The following BTBD7 variants were observed in gnomAD, a reference collection of about 807,000 sequenced individuals.
The protein encoded by BTBD7 is BTB domain containing 7.
BTBD7 carries 38 observed loss-of-function variants against 99.9 expected under a neutral mutation model. That is an observed-to-expected ratio of 0.38 (90% CI 0.29 to 0.50). The LOEUF is 0.50. Among genes scored for constraint, BTBD7 ranks in the 20% least tolerant of loss-of-function variants. The pLI, the probability that BTBD7 is intolerant of heterozygous loss-of-function variation, is 0.93. For synonymous variants in BTBD7, 520 were observed against 511.4 expected (o/e 1.02, Z -0.23); for missense variants, 1,170 against 1,394.6 (o/e 0.84, Z 2.57).
chr14:93,318,965 C>T (rs2053239042), intron 1 of BTBD7, among the ~76,000 whole-genome samples: 4 of 152,194 alleles, frequency 2.6e-5, no homozygotes, highest in Admixed American at 2.6e-4. Flanking sequence ...GCCTGTAAAC[C>T]CAGCACTTCA....
intron 3 of BTBD7, among the ~76,000 whole-genome samples, chr14:93,285,417 T>A (rs2052765497): frequency 1.3e-5 from 2 of 152,222 alleles, no homozygotes; most frequent in South Asian, 4.1e-4. Context: ...ATTTTGGAAC[T>A]AAAGTTATAA....
intron 1 of BTBD7, among the ~76,000 whole-genome samples, chr14:93,306,361 A>G (rs2053070076): frequency 6.6e-6 from 1 of 151,478 alleles, no homozygotes; most frequent in African/African-American, 2.4e-5. Flanking sequence ...TAATCCCAGC[A>G]CTTTGGGAGG....
At chr14:93,306,364 T>A (rs1173408820) in intron 1 of BTBD7, among the ~76,000 whole-genome samples, 1 of 151,632 alleles carries the variant, frequency 6.6e-6, no homozygotes, top group African/African-American at 2.4e-5. Context: ...TCCCAGCACT[T>A]TGGGAGGCTA....
chr14:93,252,035 C>T (rs563804918), intron 7 of BTBD7, among the ~76,000 whole-genome samples: 2 of 152,088 alleles, frequency 1.3e-5, no homozygotes, highest in South Asian at 2.1e-4. Flanking sequence ...CAGGGCCGGG[C>T]GTGGTGACTC....
intron 1 of BTBD7, 87 bp downstream of exon 1, chr14:93,332,733 G>A: frequency 2.1e-6 from 3 of 1,405,344 alleles, no homozygotes; most frequent in South Asian, 1.5e-5. Context: ...CCACGCCTAA[G>A]AACAGCCCCT....
intron 1 of BTBD7, among the ~76,000 whole-genome samples, chr14:93,329,292 A>G (rs2053370647): frequency 6.6e-6 from 1 of 152,248 alleles, no homozygotes; most frequent in Non-Finnish European, 1.5e-5. Flanking sequence ...ATCATTTTTA[A>G]AAAATGCAAA....
chr14:93,324,203 C>G (rs1275922443), intron 1 of BTBD7, among the ~76,000 whole-genome samples: 1 of 152,070 alleles, frequency 6.6e-6, no homozygotes, highest in African/African-American at 2.4e-5. Context: ...CTTTGGGAGA[C>G]TGAGGTGGGA....
intron 1 of BTBD7, among the ~76,000 whole-genome samples, chr14:93,319,058 T>C (rs890590594): frequency 6.6e-6 from 1 of 151,876 alleles, no homozygotes; most frequent in African/African-American, 2.4e-5. Flanking sequence ...AACAGAAAAA[T>C]TCGCCAAGTG....
At chr14:93,302,271 G>A (rs2053013829) in intron 1 of BTBD7, among the ~76,000 whole-genome samples, 1 of 152,192 alleles carries the variant, frequency 6.6e-6, no homozygotes, top group Admixed American at 6.5e-5. Flanking sequence ...TATGACTAAA[G>A]CCTTGGGATT....
At chr14:93,255,352 G>A (rs189778146) in intron 6 of BTBD7, among the ~76,000 whole-genome samples, 7 of 152,036 alleles carry the variant, frequency 4.6e-5, no homozygotes, top group Admixed American at 4.6e-4. Context: ...TCACCATGTT[G>A]GCCAGGCTGG....
intron 3 of BTBD7, among the ~76,000 whole-genome samples, chr14:93,290,164 C>T (rs924351220): frequency 1.3e-5 from 2 of 150,704 alleles, no homozygotes; most frequent in Non-Finnish European, 3.0e-5. Context: ...ACCAAGAATC[C>T]TTTTACCCAC....
intron 3 of BTBD7, among the ~76,000 whole-genome samples, chr14:93,266,803 A>G (rs1332407173): frequency 6.6e-6 from 1 of 152,374 alleles, no homozygotes; most frequent in East Asian, 1.9e-4. Context: ...TCCAAGCACT[A>G]AAAGAATATC....
intron 3 of BTBD7, 41 bp downstream of exon 3, chr14:93,293,817 C>A: frequency 6.4e-7 from 1 of 1,556,424 alleles, no homozygotes; most frequent in Admixed American, 2.0e-5. Flanking sequence ...AAGATCAATA[C>A]ATAATTCTAT....
intron 3 of BTBD7, among the ~76,000 whole-genome samples, chr14:93,265,771 A>T: frequency 6.6e-6 from 1 of 152,146 alleles, no homozygotes; most frequent in Non-Finnish European, 1.5e-5. Flanking sequence ...AAAATACAAA[A>T]ATCAGCTGGG....
At chr14:93,328,885 C>T (rs1437138223) in intron 1 of BTBD7, among the ~76,000 whole-genome samples, 1 of 152,128 alleles carries the variant, frequency 6.6e-6, no homozygotes, top group Non-Finnish European at 1.5e-5. Context: ...CTAGTGTACT[C>T]CAGCCTTGGT....
chr14:93,285,575 C>T (rs1469550983), intron 3 of BTBD7, among the ~76,000 whole-genome samples: 1 of 152,154 alleles, frequency 6.6e-6, no homozygotes. Flanking sequence ...GTATTTATGA[C>T]AAGGATGGTT....
At chr14:93,262,035 G>C (rs747076371) in intron 4 of BTBD7, among the ~76,000 whole-genome samples, 10 of 152,034 alleles carry the variant, frequency 6.6e-5, no homozygotes, top group Non-Finnish European at 1.5e-4. Flanking sequence ...GTGCCATCAT[G>C]GGTCTCTGCA....
At chr14:93,265,765 T>C (rs1455777560) in intron 3 of BTBD7, among the ~76,000 whole-genome samples, 1 of 152,054 alleles carries the variant, frequency 6.6e-6, no homozygotes, top group Non-Finnish European at 1.5e-5. Context: ...CTACTAAAAA[T>C]ACAAAAATCA....
chr14:93,251,177 G>C (rs1161840532), intron 8 of BTBD7, among the ~76,000 whole-genome samples: 3 of 152,196 alleles, frequency 2.0e-5, no homozygotes, highest in African/African-American at 7.2e-5. Context: ...ACCCTACAAA[G>C]CACAGGACAG....
Sources: gnomAD v4.1 joint callset for allele counts (sites outside exome capture counted in the v4.1 genomes callset) on GRCh38, gnomAD v4.1.1 for gene constraint, MANE v1.5 for transcripts, NCBI Gene and HGNC (gene_info 2026-07-23, HGNC 2026-07-21) for gene names.